Variants in TLCD4 observed in about 807,000 individuals in gnomAD.
TLCD4 encodes TLC domain-containing protein 4.
TLCD4 carries 7 observed loss-of-function variants against 24.2 expected under a neutral mutation model. The ratio of observed to expected loss-of-function variants is 0.29; its 90% confidence interval spans 0.16 to 0.54. The LOEUF (loss-of-function observed/expected upper bound fraction) is 0.54. TLCD4 is among the 20% of genes least tolerant of loss of function. TLCD4 has a pLI of 0.95. For synonymous variants in TLCD4, 103 were observed against 106.4 expected (o/e 0.97, Z 0.20); for missense variants, 259 against 313.9 (o/e 0.82, Z 1.32).
chr1:95,100,840 GA>G, the TLCD4 span, among the ~76,000 whole-genome samples: 1 of 151,422 alleles, frequency 6.6e-6, no homozygotes, highest in African/African-American at 2.4e-5. Context: ...TATCTTTTAA[GA>G]AAGATATAAC....
In TLCD4 at chr1:95,130,673, T is replaced by C. The variant is rs138805034; in HGVS notation, c.-12+13056T>C. 3.8e-3 allele frequency among the ~76,000 whole-genome samples: 585 copies of C among 152,324 alleles called. 2 individuals are homozygous for C. Among genetic ancestry groups the C allele is most frequent in the South Asian group, 9.5e-3 (46 of 4,828 alleles). On this transcript the variant is annotated intron_variant, in intron 1 of 6. Coordinates refer to ENST00000370203, the MANE Select transcript of TLCD4 (RefSeq NM_152487.3). The stretch of plus-strand genomic sequence containing the variant: ...GTGATGTGCTTATTTACAAATGACT[T>C]AGAGTTTGCAGATAGAGACTTTTAC...
chr1:95,100,497 C>T, the TLCD4 span, among the ~76,000 whole-genome samples: 5 of 152,098 alleles, frequency 3.3e-5, no homozygotes, highest in African/African-American at 9.7e-5. Flanking sequence ...ATCACTTGAA[C>T]CCAGGAGGCA....
At chr1:95,143,498 C>G (rs980407315) in intron 1 of TLCD4, among the ~76,000 whole-genome samples, 4 of 152,068 alleles carry the variant, frequency 2.6e-5, no homozygotes, top group African/African-American at 4.8e-5. Context: ...GTAACCAACT[C>G]TTTCATATCA....
Position 95,193,753 on chromosome 1 carries a change from A to G in TLCD4, c.*1885A>G, listed in dbSNP as rs1413959928. 6.6e-6 allele frequency: 1 copy of G among 152,132 alleles called. No individual in the cohort carries two copies. The highest frequency in any genetic ancestry group is 1.5e-5 in the Non-Finnish European group (1 of 67,958). The allele number at this position is 152,132 out of a possible 1,614,324, so 9.4% of individuals were successfully genotyped here. A position where few individuals can be genotyped will look rare whatever the true frequency, so the allele number is the denominator to read the frequency against. Reference sequence around the variant, plus strand: ...TTAATGTAAAATAATAGTTATTTTTAAAGCAGCTAATATTACACTGATAAT... The same window carrying G: ...TTAATGTAAAATAATAGTTATTTTTGAAGCAGCTAATATTACACTGATAAT... On this transcript the variant is annotated 3_prime_UTR_variant, in exon 7 of 7. Transcript: ENST00000370203.
At chr1:95,122,968 A>G (rs1022678127) in intron 1 of TLCD4, among the ~76,000 whole-genome samples, 2 of 151,748 alleles carry the variant, frequency 1.3e-5, no homozygotes, top group Non-Finnish European at 2.9e-5. Context: ...CTTTATGGAC[A>G]TGATTTTTTT....
chr1:95,149,468 GGGCAA>G (rs1677433216), intron 3 of TLCD4, among the ~76,000 whole-genome samples: 1 of 152,066 alleles, frequency 6.6e-6, no homozygotes, highest in Admixed American at 6.6e-5. Flanking sequence ...GGGGGATGTA[GGGCAA>G]TTTAGCCTTT....
At chr1:95,159,094 CAATGGTTGAACT>C (rs1251004731) in intron 5 of TLCD4, among the ~76,000 whole-genome samples, 2 of 152,190 alleles carry the variant, frequency 1.3e-5, no homozygotes, top group African/African-American at 4.8e-5. Context: ...CTGTCTTCCA[CAATGGTTGAACT>C]AGTTTACACT....
chr1:95,130,543 T>C (rs1027010920), intron 1 of TLCD4, among the ~76,000 whole-genome samples: 1 of 152,204 alleles, frequency 6.6e-6, no homozygotes, highest in Non-Finnish European at 1.5e-5. Flanking sequence ...GTACCACCTA[T>C]ATGAAAATGC....
intron 6 of TLCD4, 140 bp downstream of exon 6, chr1:95,174,029 G>A: frequency 1.6e-6 from 2 of 1,258,602 alleles, no homozygotes; most frequent in Non-Finnish European, 2.2e-6. Context: ...TCATACAAAT[G>A]AGGAAAGTGA....
At chr1:95,162,867 A>T (rs1677867306) in intron 5 of TLCD4, among the ~76,000 whole-genome samples, 1 of 152,172 alleles carries the variant, frequency 6.6e-6, no homozygotes, top group African/African-American at 2.4e-5. Context: ...CTGCCGAGAG[A>T]TCCGCTGTTA....
intron 5 of TLCD4, chr1:95,165,115 C>T (rs969696544): frequency 1.3e-5 from 2 of 152,246 alleles, no homozygotes; most frequent in Admixed American, 1.3e-4. Flanking sequence ...CAATCTTGGG[C>T]TGAAGTCACT....
chr1:95,111,928 C>T, the TLCD4 span, among the ~76,000 whole-genome samples: 1 of 151,998 alleles, frequency 6.6e-6, no homozygotes, highest in Non-Finnish European at 1.5e-5. Flanking sequence ...AAACGTCTAA[C>T]CAGAGAATGG....
chr1:95,143,847 T>C, intron 1 of TLCD4, 44 bp from the exon 2 acceptor site: 1 of 1,324,476 alleles, frequency 7.6e-7, no homozygotes, highest in South Asian at 2.9e-5. Context: ...TTACTCTAGG[T>C]TTATTATGAG....
At chr1:95,121,064 T>C (rs1267473985) in intron 1 of TLCD4, 1 of 152,128 alleles carries the variant, frequency 6.6e-6, no homozygotes, top group Non-Finnish European at 1.5e-5. Context: ...GGTGCAGAAC[T>C]CACATAGATG....
chr1:95,155,267 C>T (rs528136694), intron 5 of TLCD4, among the ~76,000 whole-genome samples: 6 of 152,032 alleles, frequency 3.9e-5, no homozygotes, highest in South Asian at 4.2e-4. Context: ...TTTTAAGCTG[C>T]GGAAGGGATC....
the TLCD4 span, among the ~76,000 whole-genome samples, chr1:95,102,946 T>C: frequency 4.0e-5 from 6 of 151,388 alleles, no homozygotes; most frequent in Admixed American, 2.6e-4. Flanking sequence ...TTAGCAAGAG[T>C]AGTGTATTTG....
At position 95,148,733 on chromosome 1, in the gene TLCD4, G is replaced by A. The variant is rs770663625; in HGVS notation, c.187G>A (p.Gly63Ser). 2.5e-6 allele frequency: 4 copies of A among 1,613,574 alleles called. No homozygotes were observed. Among genetic ancestry groups the A allele is most frequent in the South Asian group, 1.1e-5 (1 of 91,052 alleles). The change falls in exon 3 of 7, where the codon GGT becomes AGT. Residue 63 changes from glycine (G) to serine (S), a missense_variant. Coordinates refer to ENST00000370203, the MANE Select transcript of TLCD4 (RefSeq NM_152487.3). ...VVSTCHSLVV[G>S]IFGLYIFLFD... Reference sequence around the variant, plus strand: ...ATCCACATGCCATTCTTTGGTGGTTGGTATTTTTGGCCTGTACATTTTCTT... The same window carrying A: ...ATCCACATGCCATTCTTTGGTGGTTAGTATTTTTGGCCTGTACATTTTCTT...
rs543691036 is a variant in TLCD4 at position 95,129,119 on chromosome 1, A to G, written c.-12+11502A>G. Among the ~76,000 whole-genome samples the G allele has an allele frequency of 3.9e-5, 6 of 152,338 alleles. No homozygotes were observed. In the East Asian group the frequency reaches 9.7e-4, roughly 25 times the overall value. ...ACAATTATGAGAAAAATAAAGGTCTATTAGAAATGTGTGAAAAGTTAAGCT... is the reference window on the plus strand; with the variant it reads ...ACAATTATGAGAAAAATAAAGGTCTGTTAGAAATGTGTGAAAAGTTAAGCT... On this transcript the variant is annotated intron_variant, in intron 1 of 6. Coordinates refer to ENST00000370203, the MANE Select transcript of TLCD4 (RefSeq NM_152487.3).
chr1:95,118,340 C>T (rs1354215008), intron 1 of TLCD4, among the ~76,000 whole-genome samples: 5 of 152,190 alleles, frequency 3.3e-5, no homozygotes, highest in African/African-American at 1.2e-4. Context: ...TCCAAGACGG[C>T]AGAAAAACCT....
Sources: gnomAD v4.1 joint callset for allele counts (sites outside exome capture counted in the v4.1 genomes callset) on GRCh38, gnomAD v4.1.1 for gene constraint, MANE v1.5 for transcripts, NCBI Gene and HGNC (gene_info 2026-07-23, HGNC 2026-07-21) for gene names.